CERT1: variants seen among roughly 807,000 people sequenced by gnomAD.
The protein encoded by CERT1 is ceramide transfer protein.
CERT1 carries 31 observed loss-of-function variants against 87.9 expected under a neutral mutation model. The ratio of observed to expected loss-of-function variants is 0.35; its 90% CI spans 0.27 to 0.48. The LOEUF (loss-of-function observed/expected upper bound fraction) is 0.48. Among genes scored for constraint, CERT1 ranks in the 20% least tolerant of loss-of-function variants. The pLI is 0.99. For missense variants in CERT1, 487 were observed against 758.0 expected, an observed-to-expected ratio of 0.64 and a Z score of 4.20; for synonymous variants, 289 against 250.9, an observed-to-expected ratio of 1.15 and a Z score of -1.44.
chr5:75,458,848 C>A (rs996289334), intron 3 of CERT1, among the ~76,000 whole-genome samples: 1 of 151,998 alleles, frequency 6.6e-6, no homozygotes, highest in African/African-American at 2.4e-5. Context: ...CCATGCCCAG[C>A]CGAGTAATAT....
At chr5:75,416,023 C>T (rs1441749863) in intron 7 of CERT1, among the ~76,000 whole-genome samples, 1 of 152,172 alleles carries the variant, frequency 6.6e-6, no homozygotes, top group Non-Finnish European at 1.5e-5. Flanking sequence ...ACACATAGTG[C>T]TATCATTGCT....
intron 2 of CERT1, among the ~76,000 whole-genome samples, chr5:75,469,212 A>C (rs929135363): frequency 6.6e-6 from 1 of 152,204 alleles, no homozygotes. Flanking sequence ...AAAATCAAAG[A>C]AGCAAAAGAT....
intron 2 of CERT1, among the ~76,000 whole-genome samples, chr5:75,470,647 C>G (rs1448785846): frequency 6.6e-6 from 1 of 152,150 alleles, no homozygotes; most frequent in African/African-American, 2.4e-5. Flanking sequence ...CAACAACTCA[C>G]AGCTAATACA....
At chr5:75,421,003 T>A (rs934413088) in intron 5 of CERT1, among the ~76,000 whole-genome samples, 1 of 152,074 alleles carries the variant, frequency 6.6e-6, no homozygotes, top group Non-Finnish European at 1.5e-5. Flanking sequence ...GAGATGAGGT[T>A]TTGCCATGTT....
chr5:75,438,064 T>A (rs1031929859), intron 3 of CERT1, among the ~76,000 whole-genome samples: 1 of 152,108 alleles, frequency 6.6e-6, no homozygotes. Context: ...AATAGAGCTA[T>A]TTCAAATCAT....
At chr5:75,399,866 T>C (rs1186201798) in intron 10 of CERT1, among the ~76,000 whole-genome samples, 5 of 152,146 alleles carry the variant, frequency 3.3e-5, no homozygotes, top group African/African-American at 9.7e-5. Context: ...CGGCTGGGCA[T>C]GGTGGCTCAC....
chr5:75,462,132 T>C lies in CERT1; in HGVS notation c.232-2951A>G, dbSNP rs75937015. The stretch of plus-strand genomic sequence containing the variant: ...GAGGTAAGTTCCTCACTGGTCTCAT[T>C]TTCCTTGTTTTGGTGCTGAGAAGTA... On this transcript the variant is annotated intron_variant, in intron 2 of 16. Coordinates refer to ENST00000643780, the MANE Select transcript of CERT1 (RefSeq NM_001379029.1). 2.1e-3 allele frequency among the ~76,000 whole-genome samples: 316 copies of C among 152,334 alleles called. 1 individual carries two copies. The East Asian group carries it at 0.027, about 13-fold the overall frequency.
chr5:75,375,730 G>T (rs1258265533), downstream of CERT1: 3 of 148,920 alleles, frequency 2.0e-5, no homozygotes, highest in Non-Finnish European at 4.4e-5. Context: ...TTTCTCTAAA[G>T]ATGATACACA....
intron 7 of CERT1, among the ~76,000 whole-genome samples, chr5:75,411,710 G>GA (rs1237662638): frequency 4.0e-5 from 6 of 151,856 alleles, no homozygotes; most frequent in Non-Finnish European, 8.8e-5. Flanking sequence ...GAAAAGAAAA[G>GA]AAAAAAACCC....
At chr5:75,431,756 T>A (rs1192318248) in intron 3 of CERT1, among the ~76,000 whole-genome samples, 1 of 152,228 alleles carries the variant, frequency 6.6e-6, no homozygotes. Flanking sequence ...TCACTCCTTT[T>A]TATGGCTGTG....
At chr5:75,384,347 A>C (rs150432390) in intron 14 of CERT1, among the ~76,000 whole-genome samples, 1 of 152,212 alleles carries the variant, frequency 6.6e-6, no homozygotes, top group African/African-American at 2.4e-5. Flanking sequence ...TAGCCTGGGA[A>C]ATACAGCAAG....
chr5:75,434,039 T>C lies in CERT1; in HGVS notation c.349-7561A>G, dbSNP rs539939508. On this transcript the variant is annotated intron_variant, in intron 3 of 16. Coordinates refer to ENST00000643780, the MANE Select transcript of CERT1 (RefSeq NM_001379029.1). ...CTTCCAGCATTATGTTCAATAGGAG[T>C]GGTGAGAGTGGACATCCTTGTCTTT... 6.0e-4 allele frequency among the ~76,000 whole-genome samples: 92 copies of C among 152,110 alleles called. 1 individual carries two copies. The highest frequency in any genetic ancestry group is 2.1e-3 in the African/African-American group (89 of 41,486).
At chr5:75,454,388 GT>G (rs752918445) in intron 3 of CERT1, among the ~76,000 whole-genome samples, 2 of 152,064 alleles carry the variant, frequency 1.3e-5, no homozygotes, top group East Asian at 1.9e-4. Context: ...TTCTTGCTTT[GT>G]TTTTTGCTAA....
In CERT1 at chr5:75,481,028, T is replaced by G. The variant is rs1398336226; in HGVS notation, c.232-21847A>C. Among the ~76,000 whole-genome samples, 4 of 152,294 alleles carry G rather than the reference T, an allele frequency of 2.6e-5. No homozygotes were observed. In the East Asian group the frequency reaches 7.7e-4, roughly 29 times the overall value. ...AAGTGATCCTGTTGCACGGATCAAATCACTCCTCTGCTCAAACCTCCAGCA... is the reference window on the plus strand; with the variant it reads ...AAGTGATCCTGTTGCACGGATCAAAGCACTCCTCTGCTCAAACCTCCAGCA... On this transcript the variant is annotated intron_variant, in intron 2 of 16. Transcript: ENST00000643780.
intron 1 of CERT1, among the ~76,000 whole-genome samples, chr5:75,506,386 C>T (rs918769002): frequency 2.0e-5 from 3 of 152,018 alleles, no homozygotes; most frequent in African/African-American, 7.2e-5. Context: ...AAGAATAAAA[C>T]GAAAGCCAGA....
chr5:75,497,634 T>G (rs1767137468), intron 2 of CERT1, among the ~76,000 whole-genome samples: 1 of 152,132 alleles, frequency 6.6e-6, no homozygotes, highest in Admixed American at 6.5e-5. Flanking sequence ...GCTCTCATTC[T>G]TTTTCCTGCC....
At chr5:75,384,365 C>A (rs1247458470) in intron 14 of CERT1, among the ~76,000 whole-genome samples, 1 of 152,188 alleles carries the variant, frequency 6.6e-6, no homozygotes, top group African/African-American at 2.4e-5. Context: ...AAGACCCTGT[C>A]TCTTTAAAAA....
intron 2 of CERT1, among the ~76,000 whole-genome samples, chr5:75,459,477 C>T (rs768083976): frequency 3.9e-5 from 6 of 152,090 alleles, no homozygotes; most frequent in Non-Finnish European, 7.4e-5. Context: ...GAGAACACCA[C>T]CAAAAGGATA....
chr5:75,439,698 T>C (rs1003276506), intron 3 of CERT1, among the ~76,000 whole-genome samples: 1 of 152,098 alleles, frequency 6.6e-6, no homozygotes, highest in Non-Finnish European at 1.5e-5. Flanking sequence ...TCCATACATT[T>C]AACTTCAATA....
Sources: gnomAD v4.1 joint callset for allele counts (sites outside exome capture counted in the v4.1 genomes callset) on GRCh38, gnomAD v4.1.1 for gene constraint, MANE v1.5 for transcripts, NCBI Gene and HGNC (gene_info 2026-07-23, HGNC 2026-07-21) for gene names.